The following SLCO6A1 variants were observed in gnomAD, a reference collection of about 807,000 sequenced individuals.
The protein encoded by SLCO6A1 is solute carrier organic anion transporter family member 6A1, also known as cancer/testis antigen 48.
In SLCO6A1, 65 loss-of-function variants were observed where a neutral mutation model predicts 72.7. The ratio of observed to expected loss-of-function variants is 0.89; its 90% confidence interval spans 0.73 to 1.10. The LOEUF (loss-of-function observed/expected upper bound fraction) is 1.10. SLCO6A1 is among the 50% of genes least tolerant of loss of function. The pLI is 0.00. For synonymous variants in SLCO6A1, 314 were observed against 298.2 expected (o/e 1.05, Z -0.55); for missense variants, 874 against 872.6 (o/e 1.00, Z -0.02).
intron 7 of SLCO6A1, among the ~76,000 whole-genome samples, chr5:102,432,004 T>C (rs1054933196): frequency 3.3e-5 from 5 of 152,222 alleles, no homozygotes; most frequent in Non-Finnish European, 7.4e-5. Flanking sequence ...CTTTGTTTTT[T>C]ACAATATTTG....
intron 11 of SLCO6A1, among the ~76,000 whole-genome samples, chr5:102,389,458 A>T: frequency 3.0e-5 from 1 of 33,816 alleles, no homozygotes. Flanking sequence ...CCCCACCCCC[A>T]CACACACAGA....
intron 7 of SLCO6A1, among the ~76,000 whole-genome samples, chr5:102,427,856 ATATATATATTTT>A (rs1338091743): frequency 5.5e-4 from 69 of 124,772 alleles, no homozygotes; most frequent in African/African-American, 1.9e-3. Flanking sequence ...ATATATATAT[ATATATATATTTT>A]TTTTTTTTTT....
At chr5:102,455,814 G>A (rs10434748) in intron 6 of SLCO6A1, among the ~76,000 whole-genome samples, 39,328 of 152,074 alleles carry the variant, frequency 0.26, 5,296 homozygotes, top group South Asian at 0.34. Context: ...AAGTGAACAA[G>A]TTAGTTAAAA....
In SLCO6A1 at chr5:102,481,719, T is replaced by C. The variant is rs368755283; in HGVS notation, c.359-1285A>G. ...CATGCTTCTGCCTAATGTATCACAA[T>C]TATCATTTTACAGAAATGCTGTTAC... On this transcript the variant is annotated intron_variant, in intron 1 of 13. Transcript: ENST00000506729. Among the ~76,000 whole-genome samples, 49 of 152,338 alleles carry C rather than the reference T, an allele frequency of 3.2e-4. No individual in the cohort carries two copies. The South Asian group carries it at 0.01, about 32-fold the overall frequency.
intron 7 of SLCO6A1, among the ~76,000 whole-genome samples, chr5:102,428,496 AG>A (rs1749038170): frequency 6.6e-6 from 1 of 152,146 alleles, no homozygotes; most frequent in Non-Finnish European, 1.5e-5. Context: ...AAGCTGCTAG[AG>A]GACATATTAC....
At chr5:102,494,646 CA>C (rs1300929968) in intron 1 of SLCO6A1, among the ~76,000 whole-genome samples, 1 of 152,128 alleles carries the variant, frequency 6.6e-6, no homozygotes, top group Non-Finnish European at 1.5e-5. Context: ...AGCATATAAA[CA>C]GATGTTTGAG....
At chr5:102,389,782 A>G (rs1206295718) in intron 11 of SLCO6A1, among the ~76,000 whole-genome samples, 1 of 152,090 alleles carries the variant, frequency 6.6e-6, no homozygotes, top group Non-Finnish European at 1.5e-5. Flanking sequence ...CAAACCCTAG[A>G]ATCCACTTTA....
intron 7 of SLCO6A1, among the ~76,000 whole-genome samples, chr5:102,431,034 T>C (rs1275199820): frequency 1.3e-5 from 2 of 152,166 alleles, no homozygotes; most frequent in African/African-American, 2.4e-5. Flanking sequence ...AGGCTTTATG[T>C]GTCCAGGAAT....
intron 9 of SLCO6A1, among the ~76,000 whole-genome samples, chr5:102,406,721 GA>G (rs1747689361): frequency 6.6e-6 from 1 of 152,006 alleles, no homozygotes; most frequent in African/African-American, 2.4e-5. Flanking sequence ...AAATTATGTA[GA>G]ATTTCACCAG....
At chr5:102,489,430 C>A (rs1372928336) in intron 1 of SLCO6A1, among the ~76,000 whole-genome samples, 1 of 151,798 alleles carries the variant, frequency 6.6e-6, no homozygotes, top group African/African-American at 2.4e-5. Flanking sequence ...ACAAATAATC[C>A]AATTTAAAAA....
At chr5:102,464,380 A>T (rs1751208056) in intron 4 of SLCO6A1, among the ~76,000 whole-genome samples, 1 of 152,184 alleles carries the variant, frequency 6.6e-6, no homozygotes, top group Non-Finnish European at 1.5e-5. Flanking sequence ...ATAAGTGAAG[A>T]ATTTTTATAA....
rs924623524 is a variant in SLCO6A1 at position 102,392,763 on chromosome 5, C to CA, written c.1815-1719dup. 7.2e-3 allele frequency among the ~76,000 whole-genome samples: 1,057 copies of CA among 146,762 alleles called. 11 individuals are homozygous for CA. The highest frequency in any genetic ancestry group is 0.022 in the African/African-American group (872 of 40,238). The stretch of plus-strand genomic sequence containing the variant: ...GTTAAGAATTTCATGAAATAAACAA[C>CA]AAAAAAAAAACTTGTCAATACTCTC... On this transcript the variant is annotated intron_variant, in intron 10 of 13. Transcript: ENST00000506729.
chr5:102,391,853 A>G (rs577473054), intron 10 of SLCO6A1, among the ~76,000 whole-genome samples: 57 of 91,330 alleles, frequency 6.2e-4, no homozygotes, highest in African/African-American at 2.0e-3. Flanking sequence ...ACTTTTCCAA[A>G]TATAAAGAAT....
At chr5:102,478,726 G>A (rs773918006) in intron 2 of SLCO6A1, among the ~76,000 whole-genome samples, 4 of 152,028 alleles carry the variant, frequency 2.6e-5, no homozygotes, top group Non-Finnish European at 5.9e-5. Flanking sequence ...GATTATATTG[G>A]CCATGGTTAT....
At chr5:102,439,473 A>T in intron 6 of SLCO6A1, among the ~76,000 whole-genome samples, 1 of 152,192 alleles carries the variant, frequency 6.6e-6, no homozygotes, top group East Asian at 1.9e-4. Flanking sequence ...TTTCTAATTT[A>T]TTTAAATTTT....
At chr5:102,449,721 T>C (rs1406366112) in intron 6 of SLCO6A1, among the ~76,000 whole-genome samples, 1 of 152,212 alleles carries the variant, frequency 6.6e-6, no homozygotes. Context: ...GGGGAAATTT[T>C]TGTGGACAAT....
At chr5:102,373,553 C>G (rs930104977) in intron 12 of SLCO6A1, 59 bp from the exon 13 acceptor site, 1 of 1,208,684 alleles carries the variant, frequency 8.3e-7, no homozygotes. Context: ...AAAATGTAGG[C>G]AAAAATGCTA....
intron 12 of SLCO6A1, among the ~76,000 whole-genome samples, chr5:102,386,417 A>T (rs72779936): frequency 0.025 from 3,847 of 152,196 alleles, 85 homozygotes; most frequent in Middle Eastern, 0.1. Flanking sequence ...GGTGGTTCTA[A>T]AGCATGGGTC....
At chr5:102,478,966 T>A (rs963297192) in intron 2 of SLCO6A1, among the ~76,000 whole-genome samples, 2 of 152,200 alleles carry the variant, frequency 1.3e-5, no homozygotes, top group African/African-American at 4.8e-5. Context: ...AGTGTCAATG[T>A]GATATTTCCA....
Sources: gnomAD v4.1 joint callset for allele counts (sites outside exome capture counted in the v4.1 genomes callset) on GRCh38, gnomAD v4.1.1 for gene constraint, MANE v1.5 for transcripts, NCBI Gene and HGNC (gene_info 2026-07-23, HGNC 2026-07-21) for gene names.